SNAP47: variants seen among roughly 807,000 people sequenced by gnomAD.
SNAP47 encodes synaptosomal-associated protein 47.
A neutral mutation model predicts 31.4 loss-of-function variants in SNAP47; 20 were observed. The observed-to-expected ratio is 0.64, with a 90% CI of 0.45 to 0.93. The LOEUF is 0.93. SNAP47 is among the 40% of genes least tolerant of loss of function. The probability of loss-of-function intolerance (pLI) is 0.00; values close to 1 mark genes in which losing one functional copy is unlikely to be tolerated. For synonymous variants in SNAP47, 194 were observed against 213.4 expected (o/e 0.91, Z 0.79); for missense variants, 492 against 528.5 (o/e 0.93, Z 0.68).
rs540732076 is a variant in SNAP47, at chr1:227,751,744, G to GTTTTTTTTTTTTTTTTTTTTT, written c.497+3528_497+3548dup. Among the ~76,000 whole-genome samples, 2 of 69,138 alleles carry GTTTTTTTTTTTTTTTTTTTTT rather than the reference G, an allele frequency of 2.9e-5. 1 individual carries two copies. The highest frequency in any genetic ancestry group is 5.4e-5 in the Non-Finnish European group (2 of 36,756). The allele number at this position is 69,138 out of a possible 152,430, so 45.4% of individuals were successfully genotyped here. A position where few individuals can be genotyped will look rare whatever the true frequency, so the allele number is the denominator to read the frequency against. On this transcript the variant is annotated intron_variant, in intron 2 of 4. Coordinates refer to ENST00000617596, the MANE Select transcript of SNAP47 (RefSeq NM_053052.4). The stretch of plus-strand genomic sequence containing the variant: ...ATGGGGCCAATTACATAAAGACTTG[G>GTTTTTTTTTTTTTTTTTTTTT]TTTTTTTTTTTTTTTTTTTTTTTTT...
intron 1 of SNAP47, among the ~76,000 whole-genome samples, chr1:227,742,027 A>C (rs562713531): frequency 1.1e-3 from 157 of 142,966 alleles, no homozygotes; most frequent in African/African-American, 4.0e-3. Context: ...TTCTTTTTTT[A>C]TTTTATTTTA....
chr1:227,732,763 CGAA>C (rs903074008), upstream of SNAP47: 17 of 1,589,526 alleles, frequency 1.1e-5, no homozygotes, highest in African/African-American at 1.5e-4. Context: ...TCCCCAAGGA[CGAA>C]GAAGGGACCA....
At chr1:227,752,860 C>T (rs1183336269) in intron 2 of SNAP47, among the ~76,000 whole-genome samples, 3 of 152,204 alleles carry the variant, frequency 2.0e-5, no homozygotes, top group Non-Finnish European at 1.5e-5. Flanking sequence ...TTAATCCTTG[C>T]TTTCTTGGTC....
upstream of SNAP47, chr1:227,734,184 C>A: frequency 1.2e-6 from 1 of 847,632 alleles, no homozygotes; most frequent in Non-Finnish European, 1.8e-6. Context: ...CTGAGCCAGA[C>A]GCTGCTGGCG....
chr1:227,747,539 G>A (rs185288717), intron 1 of SNAP47, among the ~76,000 whole-genome samples, 153 bp from the exon 2 acceptor site: 158 of 152,294 alleles, frequency 1.0e-3, no homozygotes, highest in Non-Finnish European at 1.9e-3. Context: ...AGGGTACATG[G>A]GCTTCGTCAT....
At chr1:227,738,014 TG>T (rs1661341200) in intron 1 of SNAP47, among the ~76,000 whole-genome samples, 1 of 152,044 alleles carries the variant, frequency 6.6e-6, no homozygotes, top group African/African-American at 2.4e-5. Flanking sequence ...TGGTTTTTTT[TG>T]GTTTTTTTGT....
intron 1 of SNAP47, among the ~76,000 whole-genome samples, chr1:227,743,133 C>A (rs1382998153): frequency 6.6e-6 from 1 of 152,088 alleles, no homozygotes; most frequent in Non-Finnish European, 1.5e-5. Flanking sequence ...TGAGTATTCC[C>A]CGGTTGCAGA....
intron 2 of SNAP47, among the ~76,000 whole-genome samples, chr1:227,751,584 C>T (rs1662357216): frequency 6.6e-6 from 1 of 152,168 alleles, no homozygotes. Context: ...CAGGTGCAGG[C>T]AGCCTTGGTG....
At chr1:227,764,846 G>A (rs2102969520) in intron 3 of SNAP47, among the ~76,000 whole-genome samples, 1 of 152,184 alleles carries the variant, frequency 6.6e-6, no homozygotes, top group Admixed American at 6.5e-5. Flanking sequence ...GGAGGTTGTG[G>A]TGAGCCGCGA....
chr1:227,734,352 T>TA (rs56684758), upstream of SNAP47: 2,249 of 77,416 alleles, frequency 0.029, 49 homozygotes, highest in African/African-American at 0.049. Flanking sequence ...CTAGTCTCTT[T>TA]AAAAAAAAAA....
chr1:227,769,914 G>C (rs1558212887), intron 4 of SNAP47, among the ~76,000 whole-genome samples: 1 of 152,174 alleles, frequency 6.6e-6, no homozygotes, highest in African/African-American at 2.4e-5. Flanking sequence ...TCCTGCTTTG[G>C]GGTTGCTGTG....
chr1:227,755,213 T>G (rs1662619282), intron 2 of SNAP47, among the ~76,000 whole-genome samples: 1 of 150,432 alleles, frequency 6.6e-6, no homozygotes, highest in African/African-American at 2.4e-5. Flanking sequence ...TTTTATTTAT[T>G]TACTTTTTGA....
At chr1:227,749,393 G>C (rs959993221) in intron 2 of SNAP47, among the ~76,000 whole-genome samples, 2 of 152,224 alleles carry the variant, frequency 1.3e-5, no homozygotes, top group East Asian at 3.9e-4. Flanking sequence ...TCTGGGATCC[G>C]GGGGTGCCCA....
chr1:227,777,276 A>G lies in SNAP47; in HGVS notation c.1114-3251A>G, dbSNP rs551009806. 4.4e-4 allele frequency: 115 copies of G among 263,728 alleles called. No homozygotes were observed. The South Asian group carries it at 0.015, about 33-fold the overall frequency. 16.3% of individuals were successfully genotyped at this position (263,728 alleles called of 1,614,324 possible). A position where few individuals can be genotyped will look rare whatever the true frequency, so the allele number is the denominator to read the frequency against. ...AACCAGGGTCACTAGCACGGCCAGT[A>G]TCTTGGGCACGCACCACTCAGCCTT... On this transcript the variant is annotated intron_variant, in intron 4 of 4. Transcript: ENST00000617596.
rs748654010 is a variant in SNAP47, at chr1:227,747,655, G to A, written c.-45-37G>A. On this transcript the variant is annotated intron_variant, in intron 1 of 4. Transcript: ENST00000617596. ...GGGGTTGCTTGTGTCTCCAGTCCAT[G>A]GGTGACGGCAGAACGTTACTGTCTC... 6 of 1,545,258 alleles carry A rather than the reference G, an allele frequency of 3.9e-6. No individual in the cohort carries two copies. The African/African-American group carries it at 6.8e-5, about 18-fold the overall frequency.
intron 3 of SNAP47, among the ~76,000 whole-genome samples, chr1:227,765,906 G>A (rs540552609): frequency 3.3e-5 from 5 of 152,302 alleles, no homozygotes; most frequent in African/African-American, 1.2e-4. Flanking sequence ...GCTGGCGGGG[G>A]TGGCATCTTG....
upstream of SNAP47, chr1:227,735,214 G>A (rs750271943): frequency 3.8e-6 from 6 of 1,589,344 alleles, no homozygotes; most frequent in African/African-American, 6.7e-5. Context: ...CGACGCCGGG[G>A]ACATCGACCC....
At position 227,751,052 on chromosome 1, in the gene SNAP47, T is replaced by C. The variant is rs1662313576; in HGVS notation, c.497+2819T>C. Among the ~76,000 whole-genome samples, 6 of 152,258 alleles carry C rather than the reference T, an allele frequency of 3.9e-5. No individual in the cohort carries two copies. The South Asian group carries it at 1.2e-3, about 32-fold the overall frequency. On this transcript the variant is annotated intron_variant, in intron 2 of 4. Coordinates refer to ENST00000617596, the MANE Select transcript of SNAP47 (RefSeq NM_053052.4). ...TCCCTTCTTCTGGAAATGTAGTGGG[T>C]GACCCAAAGACTGGCCGAGCCAGAG...
At chr1:227,756,623 G>A (rs1662713227) in intron 2 of SNAP47, among the ~76,000 whole-genome samples, 1 of 152,208 alleles carries the variant, frequency 6.6e-6, no homozygotes, top group African/African-American at 2.4e-5. Context: ...CTGCCCACGT[G>A]TATTTCCAGC....
Sources: gnomAD v4.1 joint callset for allele counts (sites outside exome capture counted in the v4.1 genomes callset) on GRCh38, gnomAD v4.1.1 for gene constraint, MANE v1.5 for transcripts, NCBI Gene and HGNC (gene_info 2026-07-23, HGNC 2026-07-21) for gene names.